Variants in LRP1B observed in about 807,000 individuals in gnomAD.
LRP1B encodes LDL receptor related protein 1B, also known as low-density lipoprotein receptor-related protein 1B.
Under a neutral mutation model 556.6 loss-of-function variants are expected in LRP1B, and 217 were observed. That is an observed-to-expected ratio of 0.39 (90% CI 0.35 to 0.44). The LOEUF (loss-of-function observed/expected upper bound fraction) is 0.44, where lower values mean the gene tolerates loss of function less well. Among genes scored for constraint, LRP1B ranks in the 20% least tolerant of loss-of-function variants. LRP1B has a pLI of 1.00. For missense variants in LRP1B, 5,053 were observed against 5,620.8 expected, an observed-to-expected ratio of 0.90 and a Z score of 3.23; for synonymous variants, 2,047 against 1,865.8, an observed-to-expected ratio of 1.10 and a Z score of -2.50.
intron 1 of LRP1B, among the ~76,000 whole-genome samples, chr2:141,937,099 T>C (rs182723392): frequency 9.9e-5 from 15 of 151,986 alleles, no homozygotes; most frequent in African/African-American, 3.1e-4. Context: ...CCTTTAAAAA[T>C]ATAACATGTG....
At chr2:140,400,996 G>A (rs575745928) in intron 66 of LRP1B, among the ~76,000 whole-genome samples, 74 of 152,266 alleles carry the variant, frequency 4.9e-4, no homozygotes, top group Admixed American at 9.2e-4. Flanking sequence ...TAAACTAAGG[G>A]AAGCCATTCC....
intron 2 of LRP1B, among the ~76,000 whole-genome samples, chr2:141,775,666 A>C (rs1695043606): frequency 6.6e-6 from 1 of 152,216 alleles, no homozygotes; most frequent in Admixed American, 6.5e-5. Flanking sequence ...CATTAAAGAT[A>C]GACAGGATGT....
chr2:141,630,540 C>A (rs1361979722), intron 2 of LRP1B, among the ~76,000 whole-genome samples: 1 of 152,170 alleles, frequency 6.6e-6, no homozygotes, highest in African/African-American at 2.4e-5. Flanking sequence ...TCCCCTTTCC[C>A]AGGCTGATCA....
intron 3 of LRP1B, among the ~76,000 whole-genome samples, chr2:141,393,718 G>A (rs1270570330): frequency 6.6e-6 from 1 of 151,868 alleles, no homozygotes; most frequent in East Asian, 1.9e-4. Context: ...AAGACAAGTT[G>A]TACAGAAAAG....
At chr2:140,730,337 G>A (rs921662527) in intron 35 of LRP1B, among the ~76,000 whole-genome samples, 1 of 152,074 alleles carries the variant, frequency 6.6e-6, no homozygotes, top group Non-Finnish European at 1.5e-5. Context: ...ATGAAGTCCA[G>A]GTTCTTTAGT....
chr2:141,119,922 A>C (rs1242553603), intron 7 of LRP1B, among the ~76,000 whole-genome samples: 2 of 151,908 alleles, frequency 1.3e-5, no homozygotes, highest in African/African-American at 2.4e-5. Flanking sequence ...ATCCATAATA[A>C]TCATATGTTG....
chr2:140,510,743 T>C lies in LRP1B; in HGVS notation c.8270-687A>G, dbSNP rs112064225. 2.9e-3 allele frequency among the ~76,000 whole-genome samples: 446 copies of C among 152,316 alleles called. 3 individuals carry two copies. The highest frequency in any genetic ancestry group is 2.2e-3 in the Non-Finnish European group (153 of 68,030). On this transcript the variant is annotated intron_variant, in intron 51 of 90. Coordinates refer to ENST00000389484, the MANE Select transcript of LRP1B (RefSeq NM_018557.3). ...TCATGCATAATAATTGGAATCTACC[T>C]TTGCTCTATCACTGCAATGTTTCTT...
chr2:140,234,768 C>CG lies in LRP1B; in HGVS notation c.13659+17dup. On this transcript the variant is annotated intron_variant, in intron 90 of 90. Coordinates refer to ENST00000389484, the MANE Select transcript of LRP1B (RefSeq NM_018557.3). ...CTGTGATGAAACGGACATGAAATAA[C>CG]GAATATTCTTCTCTCACCCCAGCAG... 1.3e-6 allele frequency: 1 copy of CG among 770,388 alleles called. No homozygotes were observed. The allele number at this position is 770,388 out of a possible 1,614,324, so 47.7% of individuals were successfully genotyped here.
chr2:141,012,361 T>C (rs1037663000), intron 14 of LRP1B, among the ~76,000 whole-genome samples: 8 of 152,030 alleles, frequency 5.3e-5, no homozygotes, highest in Non-Finnish European at 7.4e-5. Context: ...GAAAAGCAGA[T>C]CTTTCAGAAT....
At chr2:141,725,960 C>G (rs1367165924) in intron 2 of LRP1B, among the ~76,000 whole-genome samples, 1 of 151,668 alleles carries the variant, frequency 6.6e-6, no homozygotes, top group Non-Finnish European at 1.5e-5. Context: ...ATTTGTATGT[C>G]AATTGGCTGG....
intron 2 of LRP1B, among the ~76,000 whole-genome samples, chr2:141,699,822 A>G (rs1041362289): frequency 6.0e-5 from 9 of 149,848 alleles, no homozygotes; most frequent in African/African-American, 2.2e-4. Context: ...AGTATGACAA[A>G]TGGAAAATGA....
At chr2:141,741,640 A>C (rs534165639) in intron 2 of LRP1B, among the ~76,000 whole-genome samples, 1 of 152,008 alleles carries the variant, frequency 6.6e-6, no homozygotes, top group East Asian at 1.9e-4. Flanking sequence ...TTTAAATCAG[A>C]TTATTAGTTT....
intron 2 of LRP1B, among the ~76,000 whole-genome samples, chr2:141,624,036 C>CAAAAAAAAAAAAAAAAAAACAAAAAAAA: frequency 2.2e-5 from 2 of 90,756 alleles, no homozygotes; most frequent in Non-Finnish European, 4.2e-5. Flanking sequence ...AAAAATTAAA[C>CAAAAAAAAAAAAAAAAAAACAAAAAAAA]AAAAAAAAAA....
chr2:142,086,186 T>G (rs1034932827), intron 1 of LRP1B, among the ~76,000 whole-genome samples: 2 of 152,156 alleles, frequency 1.3e-5, no homozygotes, highest in African/African-American at 4.8e-5. Flanking sequence ...TTGCTATTAG[T>G]CAACCTTTTC....
At chr2:141,599,474 T>C (rs1687653897) in intron 2 of LRP1B, among the ~76,000 whole-genome samples, 2 of 152,150 alleles carry the variant, frequency 1.3e-5, no homozygotes, top group Non-Finnish European at 2.9e-5. Context: ...AGTGTGAAAC[T>C]TGAACATTAA....
chr2:141,961,081 C>G (rs868232746), intron 1 of LRP1B, among the ~76,000 whole-genome samples: 3 of 151,582 alleles, frequency 2.0e-5, no homozygotes, highest in African/African-American at 7.3e-5. Flanking sequence ...TGATGTATAG[C>G]AAAATGCAGC....
rs372425532 is a variant in LRP1B, at chr2:141,645,398, T to TCTGTTGA, written c.206-164872_206-164866dup. Among the ~76,000 whole-genome samples the TCTGTTGA allele has an allele frequency of 2.2e-3, 331 of 151,634 alleles. 2 individuals carry two copies. Among genetic ancestry groups the TCTGTTGA allele is most frequent in the African/African-American group, 7.4e-3 (305 of 41,332 alleles). On this transcript the variant is annotated intron_variant, in intron 2 of 90. Coordinates refer to ENST00000389484, the MANE Select transcript of LRP1B (RefSeq NM_018557.3). Reference sequence around the variant, plus strand: ...CTCAGCCTCATGGTGACTTAATTTGTCTGTTGATGGGAAAAGAAAAGCAGT... The same window carrying TCTGTTGA: ...CTCAGCCTCATGGTGACTTAATTTGTCTGTTGACTGTTGATGGGAAAAGAAAAGCAGT...
chr2:141,650,081 G>A (rs537850404), intron 2 of LRP1B, among the ~76,000 whole-genome samples: 48 of 152,314 alleles, frequency 3.2e-4, no homozygotes, highest in African/African-American at 1.1e-3. Flanking sequence ...TTGGGGGGCT[G>A]AGGCAGGAGA....
chr2:141,124,861 T>C (rs1400938494), intron 7 of LRP1B, among the ~76,000 whole-genome samples: 1 of 152,024 alleles, frequency 6.6e-6, no homozygotes, highest in Non-Finnish European at 1.5e-5. Flanking sequence ...TTGAGAGAGC[T>C]GGAAGAGATG....
Sources: gnomAD v4.1 joint callset for allele counts (sites outside exome capture counted in the v4.1 genomes callset) on GRCh38, gnomAD v4.1.1 for gene constraint, MANE v1.5 for transcripts, NCBI Gene and HGNC (gene_info 2026-07-23, HGNC 2026-07-21) for gene names.